GATAD2A: variants seen among roughly 807,000 people sequenced by gnomAD.
The protein encoded by GATAD2A is GATA zinc finger domain containing 2A, also known as transcriptional repressor p66-alpha.
A neutral mutation model predicts 68.5 loss-of-function variants in GATAD2A; 12 were observed. The observed-to-expected ratio is 0.18, with a 90% CI of 0.11 to 0.28. The LOEUF is 0.28. Among genes scored for constraint, GATAD2A ranks in the 10% least tolerant of loss-of-function variants. The pLI, the probability that GATAD2A is intolerant of heterozygous loss-of-function variation, is 1.00. For missense variants in GATAD2A, 755 were observed against 868.5 expected, an observed-to-expected ratio of 0.87 and a Z score of 1.64; for synonymous variants, 410 against 375.3, an observed-to-expected ratio of 1.09 and a Z score of -1.07.
intron 1 of GATAD2A, among the ~76,000 whole-genome samples, chr19:19,394,339 G>C (rs2049063053): frequency 6.6e-6 from 1 of 152,110 alleles, no homozygotes; most frequent in Non-Finnish European, 1.5e-5. Context: ...GGGGCTGCCT[G>C]GGTGTTGGTG....
intron 1 of GATAD2A, 29 bp downstream of exon 1, chr19:19,406,048 G>C (rs1314311237): frequency 6.6e-6 from 1 of 152,098 alleles, no homozygotes; most frequent in Admixed American, 6.5e-5. Context: ...TTGGCGGGGG[G>C]CGGGGGCTGG....
At chr19:19,500,386 C>A (rs1222446306) in intron 8 of GATAD2A, among the ~76,000 whole-genome samples, 2 of 152,132 alleles carry the variant, frequency 1.3e-5, no homozygotes, top group Admixed American at 1.3e-4. Flanking sequence ...TCCCCACCCC[C>A]CAGCCCCTGC....
intron 2 of GATAD2A, among the ~76,000 whole-genome samples, chr19:19,466,585 T>C (rs1254815085): frequency 6.6e-6 from 1 of 152,242 alleles, no homozygotes; most frequent in African/African-American, 2.4e-5. Flanking sequence ...AAATTCGTTT[T>C]TGGAACCCAA....
chr19:19,492,199 A>G, intron 2 of GATAD2A, 107 bp from the exon 3 acceptor site: 1 of 1,165,768 alleles, frequency 8.6e-7, no homozygotes, highest in Non-Finnish European at 1.2e-6. Flanking sequence ...TGCAGGGCAG[A>G]CAGGGAACAG....
At chr19:19,431,693 CAAA>C (rs538655876) in intron 1 of GATAD2A, among the ~76,000 whole-genome samples, 3 of 90,290 alleles carry the variant, frequency 3.3e-5, no homozygotes. Flanking sequence ...GACTTGGTCT[CAAA>C]AAAAAAAAAA....
At chr19:19,446,483 GT>G (rs34271697) in intron 1 of GATAD2A, among the ~76,000 whole-genome samples, 2,485 of 143,918 alleles carry the variant, frequency 0.017, 51 homozygotes, top group African/African-American at 0.046. Context: ...TTCTATGGGT[GT>G]TTTTTTTTTT....
chr19:19,455,411 A>T (rs958500429), intron 1 of GATAD2A, among the ~76,000 whole-genome samples: 10 of 151,532 alleles, frequency 6.6e-5, no homozygotes, highest in African/African-American at 2.4e-4. Flanking sequence ...AATTGCTTGA[A>T]CCCCAGAGGC....
chr19:19,396,539 C>T (rs2049254700), intron 1 of GATAD2A, among the ~76,000 whole-genome samples: 1 of 152,132 alleles, frequency 6.6e-6, no homozygotes, highest in South Asian at 2.1e-4. Flanking sequence ...CCTCACCTTA[C>T]TGTACTCTCC....
rs1005464789 is a variant in GATAD2A, at chr19:19,460,949, CTG to C, written c.-6-4386_-6-4385del. On this transcript the variant is annotated intron_variant, in intron 1 of 11. Transcript: ENST00000683918. ...CCCGTTCCACCCAGCCCCCGTCCCT[CTG>C]TGTGCTCTGACTGCCCCGTGCTCTG... is the stretch of plus-strand genomic sequence containing the variant. 1.4e-4 allele frequency among the ~76,000 whole-genome samples: 21 copies of C among 152,336 alleles called. 1 individual carries two copies. Among genetic ancestry groups the C allele is most frequent in the African/African-American group, 4.6e-4 (19 of 41,572 alleles).
chr19:19,460,122 A>G (rs1458255590), intron 1 of GATAD2A, among the ~76,000 whole-genome samples: 3 of 152,128 alleles, frequency 2.0e-5, no homozygotes, highest in Non-Finnish European at 4.4e-5. Context: ...TACCCCCTCA[A>G]CAGGTCCTTC....
rs573242344 is a variant in GATAD2A, at chr19:19,469,196, C to T, written c.269+3582C>T. ...CCTGTAATTCCAGCACTTTGGGAGG[C>T]TGAGGCAGGTGGATCACAAGGTCAG... On this transcript the variant is annotated intron_variant, in intron 2 of 11. Coordinates refer to ENST00000683918, the MANE Select transcript of GATAD2A (RefSeq NM_001384528.1). Among the ~76,000 whole-genome samples the T allele has an allele frequency of 1.8e-4, 28 of 152,208 alleles. No homozygotes were observed. In the South Asian group the frequency reaches 5.6e-3, roughly 30 times the overall value.
At chr19:19,442,183 A>G (rs997006878) in intron 1 of GATAD2A, among the ~76,000 whole-genome samples, 3 of 152,168 alleles carry the variant, frequency 2.0e-5, no homozygotes, top group Non-Finnish European at 2.9e-5. Flanking sequence ...CTTTAAGTAA[A>G]ACGCTTAATT....
chr19:19,477,310 T>G (rs1344228373), intron 2 of GATAD2A, among the ~76,000 whole-genome samples: 2 of 152,134 alleles, frequency 1.3e-5, no homozygotes, highest in African/African-American at 4.8e-5. Flanking sequence ...ACTGCGGATT[T>G]TTAGAGCTTA....
chr19:19,470,756 A>C (rs1197243017), intron 2 of GATAD2A, among the ~76,000 whole-genome samples: 3 of 151,422 alleles, frequency 2.0e-5, no homozygotes, highest in East Asian at 1.9e-4. Context: ...AAAAAACAAA[A>C]AAAAAAGGAA....
At position 19,507,783 on chromosome 19, in the gene GATAD2A, T is replaced by C. The variant is rs1240390359; in HGVS notation, c.*2309T>C. On this transcript the variant is annotated 3_prime_UTR_variant, in exon 12 of 12. Coordinates refer to ENST00000683918, the MANE Select transcript of GATAD2A (RefSeq NM_001384528.1). Reference sequence around the variant, plus strand: ...TTTTTTTCCCCCCAGGGGGCAAAAGTGTGAGATGCCTTAATCTTTCCTTCA... The same window carrying C: ...TTTTTTTCCCCCCAGGGGGCAAAAGCGTGAGATGCCTTAATCTTTCCTTCA... 1 of 152,038 alleles carries C rather than the reference T, an allele frequency of 6.6e-6. No individual in the cohort carries two copies. The highest frequency in any genetic ancestry group is 2.4e-5 in the African/African-American group (1 of 41,376). 9.4% of individuals were successfully genotyped at this position (152,038 alleles called of 1,614,324 possible).
intron 1 of GATAD2A, among the ~76,000 whole-genome samples, chr19:19,453,963 A>C (rs1055414479): frequency 6.7e-6 from 1 of 148,710 alleles, no homozygotes; most frequent in African/African-American, 2.5e-5. Context: ...CACCTGGCCA[A>C]ATTTTTTGTG....
chr19:19,475,489 C>CG (rs1568319645), intron 2 of GATAD2A, among the ~76,000 whole-genome samples: 2 of 43,560 alleles, frequency 4.6e-5, no homozygotes, highest in Admixed American at 2.6e-4. Flanking sequence ...GGAGCCCCCC[C>CG]CCCTCCACTG....
At chr19:19,388,592 G>A (rs2048623836) in intron 1 of GATAD2A, among the ~76,000 whole-genome samples, 2 of 152,018 alleles carry the variant, frequency 1.3e-5, no homozygotes, top group South Asian at 4.2e-4. Flanking sequence ...GCTACTAGAT[G>A]ACCACCTTAG....
intron 1 of GATAD2A, among the ~76,000 whole-genome samples, chr19:19,406,562 C>A (rs1002527567): frequency 6.6e-6 from 1 of 152,162 alleles, no homozygotes; most frequent in African/African-American, 2.4e-5. Context: ...CTGCCTAACC[C>A]CCGGGAGCCG....
Sources: allele counts gnomAD v4.1 joint callset (sites outside exome capture counted in the v4.1 genomes callset), GRCh38; gene constraint gnomAD v4.1.1; transcripts MANE v1.5; gene names NCBI Gene and HGNC (gene_info 2026-07-23, HGNC 2026-07-21).